The following MSH4 variants were observed in gnomAD, a reference collection of about 807,000 sequenced individuals.
MSH4 encodes mutS homolog 4, also known as mutS protein homolog 4.
MSH4 carries 106 observed loss-of-function variants against 113.7 expected under a neutral mutation model. That is an observed-to-expected ratio of 0.93 (90% CI 0.80 to 1.10). The LOEUF is 1.10. Among genes scored for constraint, MSH4 ranks in the 50% least tolerant of loss-of-function variants. The pLI is 0.00. For missense variants in MSH4, 1,061 were observed against 1,093.7 expected (o/e 0.97, Z 0.42); for synonymous variants, 368 against 380.2 (o/e 0.97, Z 0.37).
chr1:75,854,581 C>T (rs949654369), intron 8 of MSH4, among the ~76,000 whole-genome samples: 8 of 152,104 alleles, frequency 5.3e-5, no homozygotes, highest in African/African-American at 1.4e-4. Context: ...ACCACCCGTC[C>T]GTCCTCTCCC....
chr1:75,799,977 T>C (rs1355721173), intron 1 of MSH4, among the ~76,000 whole-genome samples: 1 of 152,090 alleles, frequency 6.6e-6, no homozygotes, highest in Non-Finnish European at 1.5e-5. Flanking sequence ...GAGGGAAATA[T>C]GGATTTGAAA....
intron 6 of MSH4, among the ~76,000 whole-genome samples, chr1:75,819,716 T>C (rs1389275652): frequency 6.6e-6 from 1 of 152,166 alleles, no homozygotes; most frequent in East Asian, 1.9e-4. Flanking sequence ...TGTTTCTTTG[T>C]TTTTGTTTGT....
At chr1:75,909,904 T>A (rs1652751612) in intron 19 of MSH4, among the ~76,000 whole-genome samples, 2 of 152,050 alleles carry the variant, frequency 1.3e-5, no homozygotes, top group South Asian at 4.2e-4. Flanking sequence ...CTCTCTTCCA[T>A]CTTATCTCAG....
intron 7 of MSH4, among the ~76,000 whole-genome samples, chr1:75,836,042 G>A (rs1011573775): frequency 1.3e-5 from 2 of 152,134 alleles, no homozygotes; most frequent in African/African-American, 4.8e-5. Flanking sequence ...TAAACACAGA[G>A]TACCCAAAAT....
chr1:75,819,927 G>C (rs1650372377), intron 6 of MSH4, among the ~76,000 whole-genome samples: 1 of 152,016 alleles, frequency 6.6e-6, no homozygotes, highest in African/African-American at 2.4e-5. Context: ...TGTTGGCCAG[G>C]CTGGTCTTGA....
At chr1:75,822,602 A>G (rs1044322548) in intron 7 of MSH4, 21 bp downstream of exon 7, 5 of 1,244,430 alleles carry the variant, frequency 4.0e-6, no homozygotes, top group Non-Finnish European at 5.4e-6. Flanking sequence ...ATTATTTAAT[A>G]TTATAAATAC....
chr1:75,879,892 T>C (rs985744005), intron 12 of MSH4, among the ~76,000 whole-genome samples, 158 bp from the exon 13 acceptor site: 1 of 152,206 alleles, frequency 6.6e-6, no homozygotes, highest in African/African-American at 2.4e-5. Flanking sequence ...GTGATCTACC[T>C]CTTACATTTC....
intron 7 of MSH4, among the ~76,000 whole-genome samples, chr1:75,825,586 T>C (rs1390198845): frequency 6.6e-6 from 1 of 152,216 alleles, no homozygotes; most frequent in Non-Finnish European, 1.5e-5. Context: ...TTCAATATGA[T>C]ATTGGCTGTG....
chr1:75,879,577 A>G (rs1392001786), intron 12 of MSH4, among the ~76,000 whole-genome samples: 1 of 152,142 alleles, frequency 6.6e-6, no homozygotes, highest in Admixed American at 6.6e-5. Context: ...ACCCACTCTA[A>G]TCTTTGTTCT....
At chr1:75,827,664 C>CAAAAAA (rs201976546) in intron 7 of MSH4, among the ~76,000 whole-genome samples, 1 of 118,382 alleles carries the variant, frequency 8.4e-6, no homozygotes, top group Admixed American at 8.4e-5. Flanking sequence ...AAATGGAAAG[C>CAAAAAA]AAAAAAAAAA....
intron 7 of MSH4, among the ~76,000 whole-genome samples, chr1:75,825,707 A>G (rs1308033765): frequency 1.3e-5 from 2 of 152,120 alleles, no homozygotes; most frequent in Non-Finnish European, 2.9e-5. Context: ...CCTTTTCTGC[A>G]TGTATTGAGA....
rs774664021 is a variant in MSH4, at chr1:75,890,676, A to G, written c.2227-20A>G. On this transcript the variant is annotated intron_variant, in intron 16 of 19. Coordinates refer to ENST00000263187, the MANE Select transcript of MSH4 (RefSeq NM_002440.4). The stretch of plus-strand genomic sequence containing the variant: ...AGCTGTTTGGTTACAATGAATAAAT[A>G]TTAAAATTATATATTTCAGATAGCA... The G allele has an allele frequency of 4.5e-6, 6 of 1,336,206 alleles. No individual in the cohort carries two copies. Among genetic ancestry groups the G allele is most frequent in the Non-Finnish European group, 6.1e-6 (6 of 977,170 alleles). 82.8% of individuals were successfully genotyped at this position (1,336,206 alleles called of 1,614,324 possible). A position where few individuals can be genotyped will look rare whatever the true frequency, so the allele number is the denominator to read the frequency against.
intron 17 of MSH4, among the ~76,000 whole-genome samples, chr1:75,895,056 A>C (rs1652339988): frequency 6.6e-6 from 1 of 152,050 alleles, no homozygotes; most frequent in Non-Finnish European, 1.5e-5. Context: ...TGCTCTGCTG[A>C]CATAGAGGTC....
chr1:75,809,937 C>CA (rs1650152338), intron 3 of MSH4, among the ~76,000 whole-genome samples: 1 of 152,030 alleles, frequency 6.6e-6, no homozygotes, highest in South Asian at 2.1e-4. Flanking sequence ...AGGCGTGAGC[C>CA]ACCTCCCCTG....
chr1:75,809,929 G>A (rs148342548), intron 3 of MSH4, among the ~76,000 whole-genome samples: 1 of 152,170 alleles, frequency 6.6e-6, no homozygotes, highest in African/African-American at 2.4e-5. Context: ...GAGATTACAG[G>A]CGTGAGCCAC....
Position 75,867,545 on chromosome 1 carries a change from T to C in MSH4, c.1262T>C (p.Leu421Ser), listed in dbSNP as rs761392742. ...GCTGCTGAATCAAAGATAACAAATT[T>C]AATATACTTAAAACATACCTTGGAA... ...VNAAESKITN[L>S]IYLKHTLELV... The change falls in exon 9 of 20, where the codon TTA (leucine) becomes TCA (serine). Residue 421 changes from leucine (L) to serine (S), a missense_variant. Leu to Ser is a moderately radical substitution (Grantham distance 145). Coordinates refer to ENST00000263187, the MANE Select transcript of MSH4 (RefSeq NM_002440.4). 6.3e-6 allele frequency: 10 copies of C among 1,599,454 alleles called. No homozygotes were observed. In the Admixed American group the frequency reaches 1.2e-4, roughly 20 times the overall value.
intron 7 of MSH4, among the ~76,000 whole-genome samples, chr1:75,824,726 G>T (rs188648126): frequency 6.6e-6 from 1 of 152,190 alleles, no homozygotes; most frequent in Non-Finnish European, 1.5e-5. Context: ...TATTAAACAG[G>T]GAATCCTTTC....
intron 7 of MSH4, among the ~76,000 whole-genome samples, chr1:75,830,818 C>T (rs1650668168): frequency 1.3e-5 from 2 of 152,184 alleles, no homozygotes; most frequent in South Asian, 4.1e-4. Context: ...ACAACCAGTA[C>T]CAGCCACTGC....
At chr1:75,857,631 T>C (rs1651349709) in intron 8 of MSH4, among the ~76,000 whole-genome samples, 1 of 152,220 alleles carries the variant, frequency 6.6e-6, no homozygotes, top group Non-Finnish European at 1.5e-5. Flanking sequence ...GCCTCCGTTC[T>C]GTTCCGTTGG....
Sources: allele counts gnomAD v4.1 joint callset (sites outside exome capture counted in the v4.1 genomes callset), GRCh38; gene constraint gnomAD v4.1.1; transcripts MANE v1.5; gene names NCBI Gene and HGNC (gene_info 2026-07-23, HGNC 2026-07-21).